The following TBCD variants were observed in gnomAD, a reference collection of about 807,000 sequenced individuals.
The protein encoded by TBCD is tubulin-specific chaperone D.
Under a neutral mutation model 169.3 loss-of-function variants are expected in TBCD, and 105 were observed. That is an observed-to-expected ratio of 0.62 (90% CI 0.53 to 0.73). The LOEUF (loss-of-function observed/expected upper bound fraction) is 0.73. Ranked by LOEUF, TBCD falls within the 30% of genes least tolerant of loss-of-function variation. TBCD has a pLI of 0.00. For missense variants in TBCD, 1,444 were observed against 1,600.1 expected (o/e 0.90, Z 1.66); for synonymous variants, 700 against 643.9 (o/e 1.09, Z -1.32).
chr17:82,910,179 G>A (rs1006484403), intron 22 of TBCD, among the ~76,000 whole-genome samples: 1 of 152,226 alleles, frequency 6.6e-6, no homozygotes, highest in Non-Finnish European at 1.5e-5. Context: ...GCATCGCAGG[G>A]TGTGGGGCAC....
chr17:82,869,823 C>T (rs879910514), intron 13 of TBCD, among the ~76,000 whole-genome samples: 2 of 152,016 alleles, frequency 1.3e-5, no homozygotes, highest in Admixed American at 6.5e-5. Flanking sequence ...CTGCGTCTCT[C>T]CCTCCCCTGA....
chr17:82,870,862 A>T (rs1021047022), intron 14 of TBCD, among the ~76,000 whole-genome samples: 2 of 152,270 alleles, frequency 1.3e-5, no homozygotes, highest in African/African-American at 4.8e-5. Context: ...GGCATGTTGG[A>T]CATGGCAGTC....
intron 13 of TBCD, among the ~76,000 whole-genome samples, chr17:82,816,804 T>TG (rs201912583): frequency 0.011 from 1,477 of 138,440 alleles, 33 homozygotes; most frequent in African/African-American, 0.038. Flanking sequence ...TCCCAGAGTG[T>TG]GGGGAATACA....
intron 13 of TBCD, among the ~76,000 whole-genome samples, chr17:82,856,771 CGCTGG>C (rs2056326527): frequency 6.9e-6 from 1 of 145,890 alleles, no homozygotes; most frequent in Admixed American, 6.7e-5. Flanking sequence ...AGGGCGGGAT[CGCTGG>C]ACCGCGTGCG....
intron 12 of TBCD, 24 bp downstream of exon 12, chr17:82,809,806 C>T (rs759642577): frequency 1.2e-5 from 20 of 1,609,056 alleles, no homozygotes; most frequent in South Asian, 3.3e-5. Context: ...GCAGGGGAGG[C>T]GTGTGGGCCT....
intron 13 of TBCD, among the ~76,000 whole-genome samples, chr17:82,841,140 C>T (rs1349319954): frequency 6.6e-6 from 1 of 151,092 alleles, no homozygotes; most frequent in Admixed American, 6.6e-5. Context: ...GATGGGGTTT[C>T]ACCGTGTTAG....
At chr17:82,909,264 C>A in intron 21 of TBCD, 21 bp from the exon 22 acceptor site, 1 of 1,490,978 alleles carries the variant, frequency 6.7e-7, no homozygotes, top group Non-Finnish European at 9.1e-7. Flanking sequence ...CATTAAATAA[C>A]TTTCAGTTTT....
rs542852898 is a variant in TBCD at position 82,944,742 on chromosome 17, C to T, written c.*2279C>T. 6.6e-6 allele frequency: 1 copy of T among 152,310 alleles called. No individual in the cohort carries two copies. Among genetic ancestry groups the T allele is most frequent in the South Asian group, 2.1e-4 (1 of 4,830 alleles). The allele number at this position is 152,310 out of a possible 1,614,324, so 9.4% of individuals were successfully genotyped here. ...GTTCTAGGTGCTAACCAGAAACCCT[C>T]CATGTGAGAGCAGAGACCTTGGAGA... is the stretch of plus-strand genomic sequence containing the variant. On this transcript the variant is annotated 3_prime_UTR_variant, in exon 39 of 39. Coordinates refer to ENST00000355528, the MANE Select transcript of TBCD (RefSeq NM_005993.5).
At chr17:82,813,488 G>T (rs1831684891) in intron 12 of TBCD, among the ~76,000 whole-genome samples, 1 of 152,138 alleles carries the variant, frequency 6.6e-6, no homozygotes, top group Non-Finnish European at 1.5e-5. Flanking sequence ...CCGTGGTGGT[G>T]CTGGGCCTCT....
intron 25 of TBCD, 29 bp downstream of exon 25, chr17:82,921,606 G>A (rs768610561): frequency 1.6e-5 from 26 of 1,607,548 alleles, no homozygotes; most frequent in Non-Finnish European, 2.1e-5. Flanking sequence ...TTCCCGGCCG[G>A]CGCTGTGGCG....
chr17:82,940,790 A>T (rs1765681131), intron 37 of TBCD, among the ~76,000 whole-genome samples: 1 of 152,146 alleles, frequency 6.6e-6, no homozygotes, highest in South Asian at 2.1e-4. Flanking sequence ...ATTCTGGACC[A>T]GATTCTAAAA....
At chr17:82,925,448 C>T (rs1468056558) in intron 27 of TBCD, among the ~76,000 whole-genome samples, 2 of 152,172 alleles carry the variant, frequency 1.3e-5, no homozygotes, top group Non-Finnish European at 2.9e-5. Flanking sequence ...CCACGTCCTC[C>T]CAGAGGTCAG....
rs116536514 is a variant in TBCD, at chr17:82,889,664, G to A, written c.1534-4G>A. On this transcript the variant is annotated splice_polypyrimidine_tract_variant and splice_region_variant and intron_variant, in intron 15 of 38. Transcript: ENST00000355528. The surrounding 1 kb of genome is among the most constrained non-coding windows in gnomAD (Gnocchi z 5.3). ...ACCTGCTGTGTTTGTTCTTTGCTCCGCAGGCCGCCTTCCAGGAGAATGTGG... is the reference window on the plus strand; with the variant it reads ...ACCTGCTGTGTTTGTTCTTTGCTCCACAGGCCGCCTTCCAGGAGAATGTGG... 512 of 1,613,796 alleles carry A rather than the reference G, an allele frequency of 3.2e-4. 1 individual carries two copies. In the African/African-American group the frequency reaches 4.2e-3, roughly 13 times the overall value.
At chr17:82,886,912 T>A (rs1220968365) in intron 15 of TBCD, among the ~76,000 whole-genome samples, 2 of 151,460 alleles carry the variant, frequency 1.3e-5, no homozygotes, top group African/African-American at 2.4e-5. Flanking sequence ...TGAAGTGATC[T>A]GCCTGCCTCG....
chr17:82,846,345 C>A (rs1297208341), intron 13 of TBCD, among the ~76,000 whole-genome samples: 1 of 151,496 alleles, frequency 6.6e-6, no homozygotes, highest in Admixed American at 6.6e-5. Flanking sequence ...GTCCAGCCCT[C>A]TGCTGCCCCC....
chr17:82,826,483 T>G lies in TBCD; in HGVS notation c.1318+11549T>G, dbSNP rs182966229. On this transcript the variant is annotated intron_variant, in intron 13 of 38. Transcript: ENST00000355528. The stretch of plus-strand genomic sequence containing the variant: ...CAGGCTGGAGTGAAGTGGTATGATC[T>G]TGGCTCACTGCAGCCTTGACCTCCT... Among the ~76,000 whole-genome samples, 93 of 151,432 alleles carry G rather than the reference T, an allele frequency of 6.1e-4. 1 individual carries two copies. The East Asian group carries it at 0.017, about 27-fold the overall frequency.
chr17:82,844,357 GC>G (rs2054822568), intron 13 of TBCD, among the ~76,000 whole-genome samples: 1 of 151,988 alleles, frequency 6.6e-6, no homozygotes. Context: ...CATGCCTGGT[GC>G]CCTCCCTGCA....
rs749860401 is a variant in TBCD at position 82,926,488 on chromosome 17, C to T, written c.2468C>T (p.Ala823Val). The change falls in exon 28 of 39, where the codon GCG (alanine) becomes GTG (valine). Residue 823 changes from alanine (A) to valine (V), a missense_variant. By Grantham distance (64) the Ala-to-Val change is moderately conservative. Transcript: ENST00000355528. ...AGGAGAGACGGCTTGAAGGCCATTG[C>T]GAGGTGAGTCCCAACAGTTCCTCCC... ...ESRRDGLKAIARICQTVGVKA... is the reference protein window; with the variant it reads ...ESRRDGLKAIVRICQTVGVKA... 15 of 1,613,548 alleles carry T rather than the reference C, an allele frequency of 9.3e-6. No homozygotes were observed. The highest frequency in any genetic ancestry group is 3.3e-5 in the Admixed American group (2 of 59,984).
chr17:82,885,430 T>A (rs1309720913), intron 15 of TBCD, among the ~76,000 whole-genome samples: 1 of 152,204 alleles, frequency 6.6e-6, no homozygotes, highest in Non-Finnish European at 1.5e-5. Context: ...TAGAAGTCTT[T>A]CTCTGCCTCA....
Sources: gnomAD v4.1 joint callset for allele counts (sites outside exome capture counted in the v4.1 genomes callset) on GRCh38, gnomAD v4.1.1 for gene constraint, Gnocchi (gnomAD v3.1) non-coding constraint, MANE v1.5 for transcripts, NCBI Gene and HGNC (gene_info 2026-07-23, HGNC 2026-07-21) for gene names.